The following PTPRN2 variants were observed in gnomAD, a reference collection of about 807,000 sequenced individuals.
PTPRN2 encodes the protein receptor-type tyrosine-protein phosphatase N2.
A neutral mutation model predicts 118.8 loss-of-function variants in PTPRN2; 74 were observed. The observed-to-expected ratio is 0.62, with a 90% CI of 0.52 to 0.76. The LOEUF is 0.76. Ranked by LOEUF, PTPRN2 falls within the 30% of genes least tolerant of loss-of-function variation. The pLI is 0.00. For synonymous variants in PTPRN2, 641 were observed against 608.0 expected (o/e 1.05, Z -0.80); for missense variants, 1,481 against 1,394.4 (o/e 1.06, Z -0.99).
At chr7:157,568,863 G>T in intron 21 of PTPRN2, 39 bp downstream of exon 21, 2 of 1,524,954 alleles carry the variant, frequency 1.3e-6, no homozygotes, top group South Asian at 2.2e-5. Context: ...CGCCATCCCA[G>T]CTCTGAGCCG....
chr7:158,040,237 C>G (rs1808354346), intron 11 of PTPRN2, among the ~76,000 whole-genome samples: 1 of 152,086 alleles, frequency 6.6e-6, no homozygotes, highest in African/African-American at 2.4e-5. Context: ...AAATTAATGC[C>G]AGACACCAAA....
At chr7:158,134,374 T>C (rs750229665) in intron 8 of PTPRN2, among the ~76,000 whole-genome samples, 3 of 152,094 alleles carry the variant, frequency 2.0e-5, no homozygotes, top group Non-Finnish European at 2.9e-5. Context: ...GTCTTTGGCA[T>C]TGATATTTTT....
intron 12 of PTPRN2, among the ~76,000 whole-genome samples, chr7:157,749,421 C>T (rs560031275): frequency 9.5e-5 from 13 of 136,930 alleles, no homozygotes; most frequent in East Asian, 4.8e-4. Flanking sequence ...CTGAGGCCTG[C>T]GTCCCTGAGC....
At chr7:157,713,672 C>T (rs1798763660) in intron 12 of PTPRN2, among the ~76,000 whole-genome samples, 1 of 152,180 alleles carries the variant, frequency 6.6e-6, no homozygotes, top group Non-Finnish European at 1.5e-5. Context: ...CTACCTGTAA[C>T]CCTTTCTGAA....
At chr7:158,156,537 G>A (rs1459846247) in intron 6 of PTPRN2, among the ~76,000 whole-genome samples, 3 of 152,208 alleles carry the variant, frequency 2.0e-5, no homozygotes, top group South Asian at 2.1e-4. Context: ...AAACGCCCTC[G>A]TAATGGGAAC....
intron 9 of PTPRN2, among the ~76,000 whole-genome samples, chr7:158,126,620 CCCGGAGAGCGGGCGGCGGAA>C (rs1817701274): frequency 2.7e-5 from 3 of 109,742 alleles, no homozygotes; most frequent in South Asian, 7.7e-4. Context: ...CACACCAGCC[CCCGGAGAGCGGGCGGCGGAA>C]CTTCCTCTCC....
At chr7:158,562,555 G>A (rs536515934) in intron 1 of PTPRN2, among the ~76,000 whole-genome samples, 1 of 152,140 alleles carries the variant, frequency 6.6e-6, no homozygotes, top group East Asian at 1.9e-4. Context: ...CGAAACCCAG[G>A]GCCTGTCAGC....
intron 11 of PTPRN2, among the ~76,000 whole-genome samples, chr7:157,975,693 C>T (rs1017954702): frequency 1.6e-4 from 24 of 152,150 alleles, no homozygotes; most frequent in African/African-American, 3.9e-4. Context: ...GCCTGCCCTC[C>T]GTGTCTGGTA....
chr7:158,586,208 A>G (rs1420918859), intron 1 of PTPRN2, among the ~76,000 whole-genome samples: 1 of 152,160 alleles, frequency 6.6e-6, no homozygotes, highest in East Asian at 1.9e-4. Flanking sequence ...CAGGTTAGGG[A>G]GTGTGAGGAA....
At chr7:157,760,351 A>G (rs956258458) in intron 12 of PTPRN2, among the ~76,000 whole-genome samples, 2 of 150,670 alleles carry the variant, frequency 1.3e-5, no homozygotes, top group South Asian at 4.2e-4. Flanking sequence ...GTCGGGATGC[A>G]GGGTGCACGT....
chr7:157,945,602 A>G (rs1433707262), intron 11 of PTPRN2, among the ~76,000 whole-genome samples: 1 of 151,838 alleles, frequency 6.6e-6, no homozygotes, highest in Non-Finnish European at 1.5e-5. Flanking sequence ...TGTCGCCTCC[A>G]CCTCAGACAA....
intron 13 of PTPRN2, among the ~76,000 whole-genome samples, chr7:157,670,907 A>T (rs1034973607): frequency 6.6e-6 from 1 of 152,212 alleles, no homozygotes; most frequent in African/African-American, 2.4e-5. Context: ...GAGAACGGGC[A>T]GCTGTTTTTT....
chr7:158,587,537 C>A (rs760659362), intron 1 of PTPRN2, 21 bp downstream of exon 1: 109 of 1,257,462 alleles, frequency 8.7e-5, no homozygotes, highest in Non-Finnish European at 1.0e-4. Context: ...AGGCGCCCCT[C>A]CCCCGGCGCC....
intron 11 of PTPRN2, among the ~76,000 whole-genome samples, chr7:157,939,955 G>A (rs1307850122): frequency 6.6e-6 from 1 of 152,216 alleles, no homozygotes; most frequent in East Asian, 1.9e-4. Context: ...TGCACAGGCG[G>A]GGAAGAGCAG....
intron 11 of PTPRN2, among the ~76,000 whole-genome samples, chr7:158,023,402 T>C (rs1807045914): frequency 6.6e-6 from 1 of 152,152 alleles, no homozygotes; most frequent in Non-Finnish European, 1.5e-5. Flanking sequence ...TGAAGACATC[T>C]TGGCCTCTAC....
intron 11 of PTPRN2, among the ~76,000 whole-genome samples, chr7:157,945,154 T>C (rs1800390812): frequency 2.0e-5 from 3 of 152,108 alleles, no homozygotes; most frequent in South Asian, 2.1e-4. Context: ...CGTGCAGGGA[T>C]GCGGAGGCCC....
chr7:157,972,626 A>C (rs4236187), intron 11 of PTPRN2, among the ~76,000 whole-genome samples: 1,572 of 19,330 alleles, frequency 0.081, no homozygotes, highest in East Asian at 0.12. Context: ...AGACCACGGG[A>C]ACTCCACACC....
intron 12 of PTPRN2, among the ~76,000 whole-genome samples, chr7:157,884,685 G>C (rs917899921): frequency 2.6e-5 from 4 of 152,240 alleles, no homozygotes; most frequent in African/African-American, 7.2e-5. Flanking sequence ...AGACAAGAGA[G>C]AGCATGTGCA....
chr7:158,527,392 G>A (rs1043014109), intron 1 of PTPRN2, among the ~76,000 whole-genome samples: 3 of 152,216 alleles, frequency 2.0e-5, no homozygotes, highest in East Asian at 1.9e-4. Flanking sequence ...GTCCTTGGAC[G>A]TGCTAAATCC....
Sources: gnomAD v4.1 joint callset for allele counts (sites outside exome capture counted in the v4.1 genomes callset) on GRCh38, gnomAD v4.1.1 for gene constraint, MANE v1.5 for transcripts, NCBI Gene and HGNC (gene_info 2026-07-23, HGNC 2026-07-21) for gene names.